RARB: variants seen among roughly 807,000 people sequenced by gnomAD.
RARB encodes HBV-activated protein.
A neutral mutation model predicts 51.9 loss-of-function variants in RARB; 17 were observed. The observed-to-expected ratio is 0.33, with a 90% CI of 0.22 to 0.49. The LOEUF (loss-of-function observed/expected upper bound fraction) is 0.49, where lower values mean the gene tolerates loss of function less well. Ranked by LOEUF, RARB falls within the 20% of genes least tolerant of loss-of-function variation. The pLI, the probability that RARB is intolerant of heterozygous loss-of-function variation, is 0.99. For missense variants in RARB, 369 were observed against 550.8 expected, an observed-to-expected ratio of 0.67 and a Z score of 3.30; for synonymous variants, 215 against 195.4, an observed-to-expected ratio of 1.10 and a Z score of -0.84.
chr3:25,411,993 C>A (rs976849764), intron 5 of RARB, among the ~76,000 whole-genome samples: 1 of 152,254 alleles, frequency 6.6e-6, no homozygotes, highest in Middle Eastern at 3.4e-3. Flanking sequence ...GTGGAATCAC[C>A]CATTCTGATT....
At chr3:24,903,933 T>C (rs1408740007) in intron 2 of RARB, among the ~76,000 whole-genome samples, 1 of 152,156 alleles carries the variant, frequency 6.6e-6, no homozygotes, top group Non-Finnish European at 1.5e-5. Context: ...GTACTAAAAG[T>C]AAAAACCATA....
At chr3:25,177,917 C>T (rs912267581) in intron 5 of RARB, among the ~76,000 whole-genome samples, 2 of 152,048 alleles carry the variant, frequency 1.3e-5, no homozygotes, top group Non-Finnish European at 2.9e-5. Flanking sequence ...AAGTCGAAGT[C>T]TAAATTAGAA....
chr3:25,010,325 TAAAC>T (rs955497983), intron 2 of RARB, among the ~76,000 whole-genome samples: 12 of 152,268 alleles, frequency 7.9e-5, no homozygotes, highest in Non-Finnish European at 1.0e-4. Flanking sequence ...AATTTTTAAA[TAAAC>T]TAAATCAGAA....
chr3:24,838,851 T>C (rs907285670), intron 1 of RARB, among the ~76,000 whole-genome samples: 1 of 151,650 alleles, frequency 6.6e-6, no homozygotes, highest in Non-Finnish European at 1.5e-5. Flanking sequence ...AATTTCAGCC[T>C]AGTAATGACA....
chr3:25,058,822 A>G (rs1698491832), intron 2 of RARB, among the ~76,000 whole-genome samples: 1 of 151,774 alleles, frequency 6.6e-6, no homozygotes, highest in African/African-American at 2.4e-5. Context: ...TATAGATTTG[A>G]CAGGTCCCTA....
intron 5 of RARB, among the ~76,000 whole-genome samples, chr3:25,286,158 A>G (rs7635116): frequency 0.037 from 4,708 of 126,646 alleles, 119 homozygotes; most frequent in Middle Eastern, 0.08. Context: ...GCATGATCTC[A>G]GCTCACTGCA....
chr3:25,047,510 A>C (rs1424259986), intron 2 of RARB, among the ~76,000 whole-genome samples: 1 of 152,210 alleles, frequency 6.6e-6, no homozygotes, highest in Admixed American at 6.5e-5. Context: ...ACTATATTGG[A>C]TGTCATAGCA....
intron 3 of RARB, among the ~76,000 whole-genome samples, chr3:25,068,130 T>G (rs1224245751): frequency 3.5e-5 from 2 of 57,492 alleles, no homozygotes; most frequent in Non-Finnish European, 5.7e-5. Flanking sequence ...AGAGACTCCA[T>G]CTCAAAAAAA....
chr3:25,191,979 C>T (rs1443044434), intron 5 of RARB, among the ~76,000 whole-genome samples: 2 of 152,064 alleles, frequency 1.3e-5, no homozygotes, highest in Non-Finnish European at 2.9e-5. Flanking sequence ...TGAGTGTTGA[C>T]ATAATATCGA....
intron 2 of RARB, among the ~76,000 whole-genome samples, chr3:24,885,400 T>C (rs989551787): frequency 2.0e-5 from 3 of 152,168 alleles, no homozygotes; most frequent in Admixed American, 2.0e-4. Context: ...ATCAGAATTA[T>C]GATTGAACAA....
intron 3 of RARB, among the ~76,000 whole-genome samples, chr3:25,103,522 A>T (rs116333081): frequency 6.6e-6 from 1 of 152,340 alleles, no homozygotes; most frequent in African/African-American, 2.4e-5. Context: ...GATAATTTTA[A>T]AAGCGTACTA....
intron 2 of RARB, among the ~76,000 whole-genome samples, chr3:24,903,039 T>C (rs1703640619): frequency 6.6e-6 from 1 of 152,070 alleles, no homozygotes; most frequent in Admixed American, 6.5e-5. Flanking sequence ...ATTGGAAAAA[T>C]CTTGGAAAAA....
intron 3 of RARB, among the ~76,000 whole-genome samples, chr3:25,120,527 ATC>A (rs138649959): frequency 0.02 from 2,697 of 136,116 alleles, 43 homozygotes; most frequent in African/African-American, 0.036. Context: ...ATATATAAAA[ATC>A]TCTCTCTCTC....
intron 4 of RARB, among the ~76,000 whole-genome samples, chr3:25,138,702 T>C (rs961193801): frequency 1.1e-4 from 16 of 152,150 alleles, no homozygotes; most frequent in African/African-American, 3.9e-4. Context: ...TTATTTTTTA[T>C]TGAAACCACA....
chr3:25,157,892 T>C (rs1700405482), intron 4 of RARB, among the ~76,000 whole-genome samples: 1 of 148,668 alleles, frequency 6.7e-6, no homozygotes. Flanking sequence ...CACAAAGCAA[T>C]GTGCTGACCA....
chr3:25,528,619 C>T (rs908797656), intron 3 of RARB, among the ~76,000 whole-genome samples: 2 of 152,084 alleles, frequency 1.3e-5, no homozygotes, highest in Non-Finnish European at 2.9e-5. Flanking sequence ...CAGGTGGGAT[C>T]TCAAAGCAGT....
intron 5 of RARB, among the ~76,000 whole-genome samples, chr3:25,252,353 A>G (rs1702745595): frequency 6.6e-6 from 1 of 152,118 alleles, no homozygotes; most frequent in African/African-American, 2.4e-5. Context: ...TTATATATAA[A>G]TTTTAGGATC....
intron 5 of RARB, among the ~76,000 whole-genome samples, chr3:25,252,580 C>G (rs551516606): frequency 1.3e-5 from 2 of 152,224 alleles, no homozygotes; most frequent in South Asian, 2.1e-4. Context: ...TAAGCTTATT[C>G]CGAACTATTT....
At chr3:25,533,742 A>C (rs1247452107) in intron 3 of RARB, among the ~76,000 whole-genome samples, 1 of 152,238 alleles carries the variant, frequency 6.6e-6, no homozygotes, top group Non-Finnish European at 1.5e-5. Flanking sequence ...TGAAAAAGAA[A>C]ACCAATTAAC....
Sources: allele counts gnomAD v4.1 joint callset (sites outside exome capture counted in the v4.1 genomes callset), GRCh38; gene constraint gnomAD v4.1.1; transcripts MANE v1.5; gene names NCBI Gene and HGNC (gene_info 2026-07-23, HGNC 2026-07-21).